Variants in XIAP observed in about 807,000 individuals in gnomAD.
The protein encoded by XIAP is X-linked inhibitor of apoptosis, also known as E3 ubiquitin-protein ligase XIAP.
In XIAP, 3 loss-of-function variants were observed where a neutral mutation model predicts 33.1. The ratio of observed to expected loss-of-function variants is 0.09; its 90% confidence interval spans 0.04 to 0.23. The LOEUF (loss-of-function observed/expected upper bound fraction) is 0.23. Among genes scored for constraint, XIAP ranks in the 10% least tolerant of loss-of-function variants. The pLI, the probability that XIAP is intolerant of heterozygous loss-of-function variation, is 1.00. For synonymous variants in XIAP, 98 were observed against 121.3 expected, an observed-to-expected ratio of 0.81 and a Z score of 1.26; for missense variants, 264 against 363.0, an observed-to-expected ratio of 0.73 and a Z score of 2.22.
At chrX:123,876,252 A>G (rs757322985) in intron 1 of XIAP, among the ~76,000 whole-genome samples, 7 of 109,831 alleles carry the variant, frequency 6.4e-5, no homozygotes, top group African/African-American at 2.3e-4. Context: ...CTTTAGTCAG[A>G]TGCTTCTTGA....
intron 1 of XIAP, among the ~76,000 whole-genome samples, chrX:123,871,373 G>A (rs1367488507): frequency 1.8e-5 from 2 of 112,446 alleles, no homozygotes; most frequent in Non-Finnish European, 3.8e-5. Flanking sequence ...CCATCTGATT[G>A]TATGAACTGC....
chrX:123,897,666 G>A (rs1287778679), intron 5 of XIAP, among the ~76,000 whole-genome samples: 2 of 111,023 alleles, frequency 1.8e-5, no homozygotes, highest in East Asian at 2.8e-4. Flanking sequence ...GGGTTCAAGC[G>A]ATTCTCCTGC....
At chrX:123,898,590 G>A (rs1005126859) in intron 5 of XIAP, among the ~76,000 whole-genome samples, 1 of 109,120 alleles carries the variant, frequency 9.2e-6, no homozygotes. Context: ...CTAGGCTCAA[G>A]CGATCTGCCC....
At chrX:123,870,348 A>G (rs1277800672) in intron 1 of XIAP, among the ~76,000 whole-genome samples, 1 of 112,269 alleles carries the variant, frequency 8.9e-6, no homozygotes, top group Non-Finnish European at 1.9e-5. Context: ...AGGAAAATGA[A>G]AATTAGTTTG....
chrX:123,876,983 G>A (rs2053251725), intron 1 of XIAP, among the ~76,000 whole-genome samples: 1 of 111,047 alleles, frequency 9.0e-6, no homozygotes, highest in Admixed American at 9.7e-5. Flanking sequence ...CAAAACACAG[G>A]GAATGCTTTC....
At chrX:123,877,825 T>A (rs1449509597) in intron 1 of XIAP, among the ~76,000 whole-genome samples, 2 of 110,333 alleles carry the variant, frequency 1.8e-5, no homozygotes, top group Admixed American at 9.7e-5. Context: ...TACAAAAAAA[T>A]TAGCCGGGCG....
intron 1 of XIAP, among the ~76,000 whole-genome samples, chrX:123,876,675 A>G (rs1424564374): frequency 9.0e-6 from 1 of 110,804 alleles, no homozygotes; most frequent in Non-Finnish European, 1.9e-5. Flanking sequence ...ACTGCACTCC[A>G]ACTCGGGCAA....
At chrX:123,866,503 TATATG>T (rs1297623162) in intron 1 of XIAP, among the ~76,000 whole-genome samples, 4 of 99,445 alleles carry the variant, frequency 4.0e-5, no homozygotes, top group Non-Finnish European at 7.9e-5. Context: ...TAATATATAA[TATATG>T]ATATATCATA....
intron 1 of XIAP, among the ~76,000 whole-genome samples, chrX:123,871,957 T>C (rs10047020): frequency 0.38 from 41,477 of 108,329 alleles, 6,142 homozygotes; most frequent in African/African-American, 0.48. Context: ...AAAAATTAGC[T>C]GGGTATGGTG....
chrX:123,895,498 C>T (rs937486256), intron 5 of XIAP, among the ~76,000 whole-genome samples: 1 of 111,240 alleles, frequency 9.0e-6, no homozygotes, highest in Non-Finnish European at 1.9e-5. Context: ...TGTGGTTATT[C>T]TATATTTAAC....
intron 1 of XIAP, among the ~76,000 whole-genome samples, chrX:123,872,026 A>T (rs1284690775): frequency 1.8e-5 from 2 of 111,160 alleles, no homozygotes. Context: ...GCTTGAACCC[A>T]GGAGGCGGAG....
At chrX:123,895,929 T>A (rs1043758443) in intron 5 of XIAP, among the ~76,000 whole-genome samples, 1 of 110,364 alleles carries the variant, frequency 9.1e-6, no homozygotes, top group Non-Finnish European at 1.9e-5. Context: ...ACCTGGCTAA[T>A]TTTTGTATTT....
chrX:123,892,671 A>G (rs1435883275), intron 4 of XIAP, 60 bp from the exon 5 acceptor site: 11 of 971,121 alleles, frequency 1.1e-5, no homozygotes, highest in Non-Finnish European at 1.5e-5. Flanking sequence ...CACTTTTCAA[A>G]TGGAAATGAT....
chrX:123,865,801 G>A (rs1323510237), intron 1 of XIAP, among the ~76,000 whole-genome samples: 1 of 111,232 alleles, frequency 9.0e-6, no homozygotes, highest in Non-Finnish European at 1.9e-5. Context: ...TGTCACCCAG[G>A]CTGGAGTTCA....
At position 123,892,782 on chromosome X, in the gene XIAP, G is replaced by A; in HGVS notation, c.1099+9G>A. On this transcript the variant is annotated intron_variant, in intron 5 of 6. Transcript: ENST00000371199. Reference sequence around the variant, plus strand: ...ACTAACTAGAAGAATTGGTAAATATGCTTGTTAACTATCCTTTTAATTTAA... The same window carrying A: ...ACTAACTAGAAGAATTGGTAAATATACTTGTTAACTATCCTTTTAATTTAA... 2.6e-6 allele frequency: 3 copies of A among 1,173,113 alleles called. No individual in the cohort carries two copies. The highest frequency in any genetic ancestry group is 3.5e-6 in the Non-Finnish European group (3 of 862,342).
chrX:123,868,340 TG>T (rs1452185826), intron 1 of XIAP, among the ~76,000 whole-genome samples: 1 of 111,445 alleles, frequency 9.0e-6, no homozygotes, highest in Admixed American at 9.7e-5. Flanking sequence ...CCAGGGTGGC[TG>T]GGCTTAAGGA....
chrX:123,888,132 A>G (rs896743063), intron 2 of XIAP, among the ~76,000 whole-genome samples: 8 of 111,619 alleles, frequency 7.2e-5, no homozygotes, highest in African/African-American at 2.6e-4. Flanking sequence ...TCAGGAGTTC[A>G]AGATCAGGCT....
At chrX:123,869,362 CAAA>C (rs57436822) in intron 1 of XIAP, among the ~76,000 whole-genome samples, 24 of 29,724 alleles carry the variant, frequency 8.1e-4, no homozygotes, top group East Asian at 3.7e-3. Context: ...TAAAAAAATA[CAAA>C]AAAAAAAAAA....
At chrX:123,883,339 C>A (rs370776550) in intron 1 of XIAP, among the ~76,000 whole-genome samples, 2 of 111,191 alleles carry the variant, frequency 1.8e-5, no homozygotes, top group East Asian at 2.8e-4. Flanking sequence ...CCACCTTGGC[C>A]TCCCAAAGTG....
Sources: gnomAD v4.1 joint callset for allele counts (sites outside exome capture counted in the v4.1 genomes callset) on GRCh38, gnomAD v4.1.1 for gene constraint, MANE v1.5 for transcripts, NCBI Gene and HGNC (gene_info 2026-07-23, HGNC 2026-07-21) for gene names.